The following ALYREF variants were observed in gnomAD, a reference collection of about 807,000 sequenced individuals.
ALYREF encodes the protein Aly/REF export factor, also known as THO complex subunit 4.
Under a neutral mutation model 25.2 loss-of-function variants are expected in ALYREF, and 1 was observed. That is an observed-to-expected ratio of 0.04 (90% confidence interval 0.01 to 0.19). ALYREF has a LOEUF of 0.19. Ranked by LOEUF, ALYREF falls within the 10% of genes least tolerant of loss-of-function variation. ALYREF has a pLI of 1.00. For synonymous variants in ALYREF, 193 were observed against 153.5 expected (o/e 1.26, Z -1.90); for missense variants, 328 against 375.6 (o/e 0.87, Z 1.05).
At position 81,891,035 on chromosome 17, in the gene ALYREF, C is replaced by G. The variant is rs931806922; in HGVS notation, c.259-215G>C. Reference sequence around the variant, plus strand: ...CTTCAGTTCCCTTAGACTAACTTCCCGCCGCCTGTGCCGCGCCCAGCGTCC... The same window carrying G: ...CTTCAGTTCCCTTAGACTAACTTCCGGCCGCCTGTGCCGCGCCCAGCGTCC... On this transcript the variant is annotated intron_variant, in intron 1 of 5. Coordinates refer to ENST00000505490, the MANE Select transcript of ALYREF (RefSeq NM_005782.4). 33 of 745,794 alleles carry G rather than the reference C, an allele frequency of 4.4e-5. No individual in the cohort carries two copies. The Admixed American group carries it at 1.0e-3, about 23-fold the overall frequency. The allele number at this position is 745,794 out of a possible 1,614,324, so 46.2% of individuals were successfully genotyped here. A position where few individuals can be genotyped will look rare whatever the true frequency, so the allele number is the denominator to read the frequency against.
In ALYREF at chr17:81,888,957, G is replaced by T. The variant is rs2039467239; in HGVS notation, c.538+225C>A. 2 of 1,418,102 alleles carry T rather than the reference G, an allele frequency of 1.4e-6. No homozygotes were observed. Among genetic ancestry groups the T allele is most frequent in the Non-Finnish European group, 1.8e-6 (2 of 1,088,538 alleles). 87.8% of individuals were successfully genotyped at this position (1,418,102 alleles called of 1,614,324 possible). A position where few individuals can be genotyped will look rare whatever the true frequency, so the allele number is the denominator to read the frequency against. On this transcript the variant is annotated intron_variant, in intron 3 of 5. Transcript: ENST00000505490. This position sits in a 1 kb window ranked among gnomAD's most constrained non-coding sequence, Gnocchi z 5.8. ...AGGCTTCACAGAAGTGAATCTTCCG[G>T]AAGGAGCTGAAGGAGGGGAGGGATG...
chr17:81,890,883 C>T, intron 1 of ALYREF, 63 bp from the exon 2 acceptor site: 1 of 1,609,410 alleles, frequency 6.2e-7, no homozygotes, highest in East Asian at 2.2e-5. Flanking sequence ...TCCTGACCCT[C>T]ACGGCTACTC....
At chr17:81,890,873 T>C in intron 1 of ALYREF, 53 bp from the exon 2 acceptor site, 1 of 1,612,138 alleles carries the variant, frequency 6.2e-7, no homozygotes, top group Non-Finnish European at 8.5e-7. Flanking sequence ...TCCAGGGCTT[T>C]CCTGACCCTC....
rs1287101135 is a variant in ALYREF at position 81,888,818 on chromosome 17, G to GT, written c.539-236dup. 1.3e-5 allele frequency: 18 copies of GT among 1,422,428 alleles called. No homozygotes were observed. Among genetic ancestry groups the GT allele is most frequent in the Non-Finnish European group, 1.4e-5 (15 of 1,091,216 alleles). The allele number at this position is 1,422,428 out of a possible 1,614,324, so 88.1% of individuals were successfully genotyped here. ...CAGACTAGGTGGGCTGCTCGCTGAG[G>GT]TATCGGGGTGCTCGTGGGTGGAGAG... On this transcript the variant is annotated intron_variant, in intron 3 of 5. Transcript: ENST00000505490. This position sits in a 1 kb window ranked among gnomAD's most constrained non-coding sequence, Gnocchi z 5.8.
chr17:81,889,035 A>G (rs943441756), intron 3 of ALYREF, 147 bp downstream of exon 3: 4 of 1,461,814 alleles, frequency 2.7e-6, no homozygotes, highest in Non-Finnish European at 2.7e-6. Context: ...GTGGGGCAGC[A>G]TGAGAGGTGG....
In ALYREF at chr17:81,891,584, C is replaced by A; in HGVS notation, c.-4G>T. On this transcript the variant is annotated 5_prime_UTR_variant, in exon 1 of 6. Transcript: ENST00000505490. ...TGGCGGGCGCGGAATCGGGCATCGG[C>A]TCGAGCCCGCGCGTCAGCACGCCGG... The A allele has an allele frequency of 7.0e-7, 1 of 1,424,120 alleles. No individual in the cohort carries two copies. Among genetic ancestry groups the A allele is most frequent in the Non-Finnish European group, 9.2e-7 (1 of 1,086,212 alleles). 88.2% of individuals were successfully genotyped at this position (1,424,120 alleles called of 1,614,324 possible). A position where few individuals can be genotyped will look rare whatever the true frequency, so the allele number is the denominator to read the frequency against.
chr17:81,890,630 A>AT, intron 2 of ALYREF, 59 bp downstream of exon 2: 1 of 1,589,150 alleles, frequency 6.3e-7, no homozygotes, highest in Non-Finnish European at 8.5e-7. Flanking sequence ...CCACATCCCC[A>AT]AAATCACGAT....
At chr17:81,890,143 C>CT (rs1342121738) in intron 2 of ALYREF, among the ~76,000 whole-genome samples, 2 of 151,988 alleles carry the variant, frequency 1.3e-5, no homozygotes, top group African/African-American at 4.8e-5. Flanking sequence ...TTCAATTTTT[C>CT]TTTTTTTAAA....
rs768838933 is a variant in ALYREF, at chr17:81,889,288, C to T, written c.432G>A (p.Val144=). The T allele has an allele frequency of 6.2e-7, 1 of 1,614,232 alleles. No homozygotes were observed. The highest frequency in any genetic ancestry group is 1.7e-5 in the Admixed American group (1 of 60,034). Residue 144 remains valine, a synonymous_variant, in exon 3 of 6, where the codon GTG becomes GTA. Transcript: ENST00000505490. ...AEFGTLKKAA[V]HYDRSGRSLG... Reference sequence around the variant, plus strand: ...AGCTGCGACCAGAGCGATCATAGTGCACAGCCGCCTTCTTCAGCGTTCCAA... The same window carrying T: ...AGCTGCGACCAGAGCGATCATAGTGTACAGCCGCCTTCTTCAGCGTTCCAA...
chr17:81,891,318 C>T lies in ALYREF; in HGVS notation c.258+5G>A. ...CTCTCCGGCGCGGCCGGCCTCCGCA[C>T]TCACCCTGCTGTAGGGCGCCGGTCG... is the stretch of plus-strand genomic sequence containing the variant. On this transcript the variant is annotated splice_donor_5th_base_variant and intron_variant, in intron 1 of 5. Coordinates refer to ENST00000505490, the MANE Select transcript of ALYREF (RefSeq NM_005782.4). 1.7e-5 allele frequency: 20 copies of T among 1,157,850 alleles called. No homozygotes were observed. Among genetic ancestry groups the T allele is most frequent in the South Asian group, 3.3e-5 (1 of 30,596 alleles). The allele number at this position is 1,157,850 out of a possible 1,614,324, so 71.7% of individuals were successfully genotyped here. A position where few individuals can be genotyped will look rare whatever the true frequency, so the allele number is the denominator to read the frequency against.
intron 3 of ALYREF, 166 bp downstream of exon 3, chr17:81,889,016 T>C: frequency 6.9e-7 from 1 of 1,449,140 alleles, no homozygotes; most frequent in Non-Finnish European, 9.1e-7. Context: ...AAGAGGTTGG[T>C]CCAGATGTGT....
intron 2 of ALYREF, among the ~76,000 whole-genome samples, chr17:81,890,478 G>A (rs909030301): frequency 1.3e-5 from 2 of 152,176 alleles, no homozygotes; most frequent in African/African-American, 4.8e-5. Flanking sequence ...CCCATCTTCA[G>A]ACTAACAGCA....
rs2039455346 is a variant in ALYREF, at chr17:81,888,023, A to G, written c.*108T>C. Reference sequence around the variant, plus strand: ...GTTTTTAAATCCTATTTTAAAACATAAAAGAAACAAATCCATCATTGGCCG... The same window carrying G: ...GTTTTTAAATCCTATTTTAAAACATGAAAGAAACAAATCCATCATTGGCCG... On this transcript the variant is annotated 3_prime_UTR_variant, in exon 6 of 6. Coordinates refer to ENST00000505490, the MANE Select transcript of ALYREF (RefSeq NM_005782.4). This position sits in a 1 kb window ranked among gnomAD's most constrained non-coding sequence, Gnocchi z 5.8. 2.1e-6 allele frequency: 3 copies of G among 1,400,922 alleles called. No homozygotes were observed. The highest frequency in any genetic ancestry group is 2.0e-6 in the Non-Finnish European group (2 of 1,023,642). The allele number at this position is 1,400,922 out of a possible 1,614,324, so 86.8% of individuals were successfully genotyped here.
intron 2 of ALYREF, among the ~76,000 whole-genome samples, chr17:81,890,350 G>A (rs770265199): frequency 2.6e-5 from 4 of 152,086 alleles, no homozygotes; most frequent in African/African-American, 4.8e-5. Context: ...CACTAAGACA[G>A]GCACAAAATT....
intron 2 of ALYREF, 22 bp downstream of exon 2, chr17:81,890,667 C>T: frequency 1.9e-6 from 3 of 1,611,796 alleles, no homozygotes; most frequent in South Asian, 2.2e-5. Context: ...GAACGGCTCA[C>T]CGAGAAGCCC....
At position 81,888,020 on chromosome 17, in the gene ALYREF, C is replaced by T; in HGVS notation, c.*111G>A. 9.6e-7 allele frequency: 1 copy of T among 1,038,022 alleles called. No homozygotes were observed. 64.3% of individuals were successfully genotyped at this position (1,038,022 alleles called of 1,614,324 possible). ...TGAGTTTTTAAATCCTATTTTAAAA[C>T]ATAAAAGAAACAAATCCATCATTGG... On this transcript the variant is annotated 3_prime_UTR_variant, in exon 6 of 6. Coordinates refer to ENST00000505490, the MANE Select transcript of ALYREF (RefSeq NM_005782.4). The surrounding 1 kb of genome is among the most constrained non-coding windows in gnomAD (Gnocchi z 5.8).
In ALYREF at chr17:81,888,037, CA is replaced by C. The variant is rs1281521162; in HGVS notation, c.*93del. 1.3e-5 allele frequency: 19 copies of C among 1,451,206 alleles called. No individual in the cohort carries two copies. The highest frequency in any genetic ancestry group is 1.7e-5 in the Non-Finnish European group (18 of 1,060,500). The allele number at this position is 1,451,206 out of a possible 1,614,324, so 89.9% of individuals were successfully genotyped here. A position where few individuals can be genotyped will look rare whatever the true frequency, so the allele number is the denominator to read the frequency against. On this transcript the variant is annotated 3_prime_UTR_variant, in exon 6 of 6. Coordinates refer to ENST00000505490, the MANE Select transcript of ALYREF (RefSeq NM_005782.4). The surrounding 1 kb of genome is among the most constrained non-coding windows in gnomAD (Gnocchi z 5.8). ...TTTTAAAACATAAAAGAAACAAATCCATCATTGGCCGCACAGCCCCAGCCAC... is the reference window on the plus strand; with the variant it reads ...TTTTAAAACATAAAAGAAACAAATCCTCATTGGCCGCACAGCCCCAGCCAC...
At chr17:81,891,299 G>C (rs1470084462) in intron 1 of ALYREF, 24 bp downstream of exon 1, 10 of 1,129,954 alleles carry the variant, frequency 8.8e-6, no homozygotes, top group African/African-American at 1.7e-5. Flanking sequence ...CCCACTCTCC[G>C]GCGCGGCCGG....
chr17:81,887,949 T>G lies in ALYREF; in HGVS notation c.*182A>C. The G allele has an allele frequency of 1.3e-6, 1 of 741,716 alleles. No individual in the cohort carries two copies. The highest frequency in any genetic ancestry group is 2.0e-6 in the Non-Finnish European group (1 of 493,206). The allele number at this position is 741,716 out of a possible 1,614,324, so 45.9% of individuals were successfully genotyped here. A position where few individuals can be genotyped will look rare whatever the true frequency, so the allele number is the denominator to read the frequency against. ...AATAACTCGGTACAAAACAGGTCTGTTTCAGAATTAAAAAAAAAAAAAAAG... is the reference window on the plus strand; with the variant it reads ...AATAACTCGGTACAAAACAGGTCTGGTTCAGAATTAAAAAAAAAAAAAAAG... On this transcript the variant is annotated 3_prime_UTR_variant, in exon 6 of 6. Transcript: ENST00000505490.
Sources: gnomAD v4.1 joint callset for allele counts (sites outside exome capture counted in the v4.1 genomes callset) on GRCh38, gnomAD v4.1.1 for gene constraint, Gnocchi (gnomAD v3.1) non-coding constraint, MANE v1.5 for transcripts, NCBI Gene and HGNC (gene_info 2026-07-23, HGNC 2026-07-21) for gene names.